SLIT2: variants seen among roughly 807,000 people sequenced by gnomAD.
SLIT2 encodes slit homolog 2 protein.
In SLIT2, 41 loss-of-function variants were observed where a neutral mutation model predicts 185.7. The observed-to-expected ratio is 0.22, with a 90% CI of 0.17 to 0.29. The LOEUF is 0.29. Ranked by LOEUF, SLIT2 falls within the 10% of genes least tolerant of loss-of-function variation. The pLI, the probability that SLIT2 is intolerant of heterozygous loss-of-function variation, is 1.00. For synonymous variants in SLIT2, 693 were observed against 680.2 expected, an observed-to-expected ratio of 1.02 and a Z score of -0.29; for missense variants, 1,571 against 1,909.0, an observed-to-expected ratio of 0.82 and a Z score of 3.30.
At chr4:20,450,861 A>G (rs947735641) in intron 4 of SLIT2, among the ~76,000 whole-genome samples, 18 of 152,188 alleles carry the variant, frequency 1.2e-4, no homozygotes, top group African/African-American at 4.3e-4. Flanking sequence ...GTTAAGATCT[A>G]GTCGGTCCCA....
At chr4:20,316,958 G>A (rs1718647996) in intron 4 of SLIT2, among the ~76,000 whole-genome samples, 1 of 151,260 alleles carries the variant, frequency 6.6e-6, no homozygotes, top group Non-Finnish European at 1.5e-5. Context: ...AACCCAGAAG[G>A]AGGACCTGCA....
At chr4:20,350,266 C>T (rs1043432271) in intron 4 of SLIT2, among the ~76,000 whole-genome samples, 17 of 151,368 alleles carry the variant, frequency 1.1e-4, no homozygotes, top group African/African-American at 4.1e-4. Flanking sequence ...AGTATTTTCT[C>T]AGTGATTACG....
At chr4:20,463,475 A>ATG (rs1713968475) in intron 4 of SLIT2, among the ~76,000 whole-genome samples, 1 of 96,194 alleles carries the variant, frequency 1.0e-5, no homozygotes, top group African/African-American at 3.8e-5. Context: ...ATATATATAT[A>ATG]TATATATATA....
At chr4:20,539,186 C>T (rs1393384005) in intron 18 of SLIT2, among the ~76,000 whole-genome samples, 3 of 152,202 alleles carry the variant, frequency 2.0e-5, no homozygotes, top group African/African-American at 7.2e-5. Context: ...ATTCTTCCCT[C>T]ATCATGGGAT....
chr4:20,298,657 G>A (rs56901540), intron 4 of SLIT2, among the ~76,000 whole-genome samples: 9,554 of 152,178 alleles, frequency 0.063, 580 homozygotes, highest in African/African-American at 0.16. Context: ...TAACCTCAGT[G>A]TTCTAAATGG....
intron 29 of SLIT2, among the ~76,000 whole-genome samples, chr4:20,587,251 TC>T: frequency 6.6e-6 from 1 of 152,204 alleles, no homozygotes; most frequent in East Asian, 1.9e-4. Context: ...ACTCCTGACC[TC>T]AGGCAATCCG....
Position 20,510,502 on chromosome 4 carries a change from G to A in SLIT2, c.922G>A (p.Glu308Lys). 1 of 1,609,846 alleles carries A rather than the reference G, an allele frequency of 6.2e-7. No homozygotes were observed. The highest frequency in any genetic ancestry group is 8.5e-7 in the Non-Finnish European group (1 of 1,176,792). The change falls in exon 10 of 37, where the codon GAA (glutamate) becomes AAA (lysine). Residue 308 changes from glutamate (E) to lysine (K), a missense_variant. Transcript: ENST00000504154. The stretch of plus-strand genomic sequence containing the variant: ...AATTTTTTTTCATTGCAGACGTTTG[G>A]AACAGAACACAATCAAAGTCATCCC... ...LPETITEIRL[E>K]QNTIKVIPPG...
chr4:20,343,015 G>C (rs1056527754), intron 4 of SLIT2, among the ~76,000 whole-genome samples: 5 of 151,244 alleles, frequency 3.3e-5, no homozygotes, highest in African/African-American at 1.2e-4. Flanking sequence ...TACATGCATA[G>C]AATGTACAAT....
chr4:20,425,371 AT>A (rs1392294115), intron 4 of SLIT2, among the ~76,000 whole-genome samples: 1 of 152,170 alleles, frequency 6.6e-6, no homozygotes, highest in East Asian at 1.9e-4. Flanking sequence ...TATCAAAAAA[AT>A]AAATAAATAA....
intron 4 of SLIT2, among the ~76,000 whole-genome samples, chr4:20,321,978 T>TGGAG (rs140527202): frequency 0.045 from 6,876 of 152,074 alleles, 286 homozygotes; most frequent in African/African-American, 0.11. Flanking sequence ...AATAAGAATC[T>TGGAG]GGAGGGGTGG....
At chr4:20,333,968 G>A (rs1159241470) in intron 4 of SLIT2, among the ~76,000 whole-genome samples, 2 of 152,170 alleles carry the variant, frequency 1.3e-5, no homozygotes. Flanking sequence ...GCCAATTGAT[G>A]CAATTAGTTA....
chr4:20,548,383 C>A (rs1294223359), intron 22 of SLIT2, 105 bp from the exon 23 acceptor site: 4 of 632,138 alleles, frequency 6.3e-6, no homozygotes, highest in Admixed American at 5.6e-5. Flanking sequence ...CAGCTGAATG[C>A]TAACAATACT....
chr4:20,286,840 A>T (rs1166683823), intron 4 of SLIT2, among the ~76,000 whole-genome samples: 1 of 152,142 alleles, frequency 6.6e-6, no homozygotes, highest in East Asian at 1.9e-4. Flanking sequence ...TCCCTTGCCC[A>T]AAGATCATTT....
At chr4:20,302,576 G>A (rs750565589) in intron 4 of SLIT2, among the ~76,000 whole-genome samples, 96 of 152,234 alleles carry the variant, frequency 6.3e-4, no homozygotes, top group Non-Finnish European at 7.2e-4. Flanking sequence ...GAGATAAAGC[G>A]TTCATGAGGA....
At chr4:20,337,935 G>A (rs1188564683) in intron 4 of SLIT2, among the ~76,000 whole-genome samples, 1 of 151,970 alleles carries the variant, frequency 6.6e-6, no homozygotes, top group Admixed American at 6.5e-5. Context: ...TTTTTCAGTG[G>A]AAAAAACCCT....
At chr4:20,362,716 A>C (rs1577503242) in intron 4 of SLIT2, among the ~76,000 whole-genome samples, 1 of 151,930 alleles carries the variant, frequency 6.6e-6, no homozygotes, top group Non-Finnish European at 1.5e-5. Context: ...AAACTATATT[A>C]AAACAAACGC....
At chr4:20,294,895 T>C (rs546474405) in intron 4 of SLIT2, among the ~76,000 whole-genome samples, 7 of 152,304 alleles carry the variant, frequency 4.6e-5, no homozygotes, top group Admixed American at 3.9e-4. Flanking sequence ...AAGGTCTGAA[T>C]GGTATATCAC....
intron 33 of SLIT2, among the ~76,000 whole-genome samples, chr4:20,606,237 G>A (rs1000652367): frequency 1.3e-5 from 2 of 152,126 alleles, no homozygotes; most frequent in African/African-American, 2.4e-5. Flanking sequence ...GTTTACATCT[G>A]TAATCTCAGC....
intron 4 of SLIT2, among the ~76,000 whole-genome samples, chr4:20,379,645 A>G (rs1051918260): frequency 6.6e-6 from 1 of 152,196 alleles, no homozygotes; most frequent in African/African-American, 2.4e-5. Context: ...AAAGACTTCC[A>G]GCTGCATTAG....
Sources: allele counts gnomAD v4.1 joint callset (sites outside exome capture counted in the v4.1 genomes callset), GRCh38; gene constraint gnomAD v4.1.1; transcripts MANE v1.5; gene names NCBI Gene and HGNC (gene_info 2026-07-23, HGNC 2026-07-21).